Variants in NPAS3 observed in about 807,000 individuals in gnomAD.
NPAS3 encodes neuronal PAS domain protein 3.
A neutral mutation model predicts 73.1 loss-of-function variants in NPAS3; 14 were observed. That is an observed-to-expected ratio of 0.19 (90% CI 0.13 to 0.30). NPAS3 has a LOEUF of 0.30. Ranked by LOEUF, NPAS3 falls within the 10% of genes least tolerant of loss-of-function variation. The probability of loss-of-function intolerance (pLI) is 1.00; values close to 1 mark genes in which losing one functional copy is unlikely to be tolerated. For synonymous variants in NPAS3, 620 were observed against 541.5 expected (o/e 1.14, Z -2.01); for missense variants, 1,096 against 1,250.0 (o/e 0.88, Z 1.86).
chr14:33,279,852 A>G (rs1357979532), intron 3 of NPAS3, among the ~76,000 whole-genome samples: 1 of 152,212 alleles, frequency 6.6e-6, no homozygotes, highest in East Asian at 1.9e-4. Flanking sequence ...CAAAATTGCC[A>G]GTATTTAACT....
chr14:33,088,803 G>A (rs1300870944), intron 2 of NPAS3, among the ~76,000 whole-genome samples: 1 of 152,160 alleles, frequency 6.6e-6, no homozygotes, highest in Non-Finnish European at 1.5e-5. Context: ...ACCTCACATG[G>A]CCGGTTACCC....
chr14:33,347,252 G>T (rs899347505), intron 3 of NPAS3, among the ~76,000 whole-genome samples: 1 of 152,084 alleles, frequency 6.6e-6, no homozygotes, highest in Non-Finnish European at 1.5e-5. Context: ...ATTTCTAATG[G>T]GGTTATTTGT....
rs966413431 is a variant in NPAS3, at chr14:33,699,753, T to A, written c.733+23368T>A. 8.5e-5 allele frequency among the ~76,000 whole-genome samples: 13 copies of A among 152,212 alleles called. No individual in the cohort carries two copies. The South Asian group carries it at 1.0e-3, about 12-fold the overall frequency. On this transcript the variant is annotated intron_variant, in intron 6 of 11. Transcript: ENST00000356141. ...GTACCAAGTCAAAGACATTTTTTTTTAAATGTAGAAGACAGGGAAAATGCA... is the reference window on the plus strand; with the variant it reads ...GTACCAAGTCAAAGACATTTTTTTTAAAATGTAGAAGACAGGGAAAATGCA...
chr14:33,544,822 T>TATATATATATTATATATATATATATAA (rs2054745543), intron 4 of NPAS3, among the ~76,000 whole-genome samples: 1 of 60,922 alleles, frequency 1.6e-5, no homozygotes, highest in African/African-American at 1.0e-4. Flanking sequence ...GTATATATAA[T>TATATATATATTATATATATATATATAA]ATATATGTGT....
chr14:33,178,380 A>G (rs945234119), intron 2 of NPAS3, among the ~76,000 whole-genome samples: 8 of 152,032 alleles, frequency 5.3e-5, no homozygotes, highest in African/African-American at 9.7e-5. Context: ...GCCGAAGTGA[A>G]TCTTTACATT....
At chr14:33,190,026 T>C (rs2046113568) in intron 2 of NPAS3, among the ~76,000 whole-genome samples, 1 of 152,116 alleles carries the variant, frequency 6.6e-6, no homozygotes, top group African/African-American at 2.4e-5. Context: ...TTAATGTGTA[T>C]ATTCTTTTAC....
chr14:33,567,591 G>T (rs1281130329), intron 5 of NPAS3, among the ~76,000 whole-genome samples: 5 of 152,228 alleles, frequency 3.3e-5, no homozygotes, highest in African/African-American at 9.6e-5. Flanking sequence ...GATGTGCTCA[G>T]AGTTGAAAGG....
intron 3 of NPAS3, among the ~76,000 whole-genome samples, chr14:33,254,676 C>T (rs148225756): frequency 0.016 from 2,509 of 152,136 alleles, 29 homozygotes; most frequent in Middle Eastern, 0.048. Flanking sequence ...TTATGTAATA[C>T]AATAGCTATG....
chr14:33,469,736 A>C (rs1331433233), intron 4 of NPAS3, among the ~76,000 whole-genome samples: 1 of 152,012 alleles, frequency 6.6e-6, no homozygotes, highest in Non-Finnish European at 1.5e-5. Flanking sequence ...TCTTAATTTG[A>C]CTGTTTGGTA....
chr14:33,760,502 T>C (rs937769728), intron 7 of NPAS3, among the ~76,000 whole-genome samples: 1 of 152,262 alleles, frequency 6.6e-6, no homozygotes, highest in African/African-American at 2.4e-5. Flanking sequence ...TTCAAAAACA[T>C]TATTTGACCG....
At chr14:33,375,219 C>A (rs1345391855) in intron 4 of NPAS3, among the ~76,000 whole-genome samples, 1 of 152,000 alleles carries the variant, frequency 6.6e-6, no homozygotes, top group African/African-American at 2.4e-5. Flanking sequence ...TCTCTATGAT[C>A]CAGAATGGTA....
exon 12 of NPAS3, chr14:33,799,905 A>C: frequency 6.2e-7 from 1 of 1,614,210 alleles, no homozygotes; most frequent in Non-Finnish European, 8.5e-7. Context: ...GACAGCTTCG[A>C]GCACTCGGAC....
At chr14:33,424,564 A>G (rs2048479426) in intron 4 of NPAS3, among the ~76,000 whole-genome samples, 1 of 152,054 alleles carries the variant, frequency 6.6e-6, no homozygotes, top group Non-Finnish European at 1.5e-5. Flanking sequence ...AAGAATGAGG[A>G]GAAGGAATGA....
At chr14:33,486,234 A>G (rs1425406254) in intron 4 of NPAS3, among the ~76,000 whole-genome samples, 3 of 152,024 alleles carry the variant, frequency 2.0e-5, no homozygotes, top group Non-Finnish European at 2.9e-5. Flanking sequence ...TAGATAGTCT[A>G]ACGGCGGCCA....
intron 5 of NPAS3, among the ~76,000 whole-genome samples, chr14:33,641,793 TTC>T (rs1428430055): frequency 6.6e-5 from 10 of 152,112 alleles, no homozygotes; most frequent in African/African-American, 9.7e-5. Context: ...ATGCCTATAT[TTC>T]TGTTATAATT....
At chr14:32,981,195 A>G (rs1359728710) in intron 1 of NPAS3, among the ~76,000 whole-genome samples, 4 of 152,180 alleles carry the variant, frequency 2.6e-5, no homozygotes, top group Admixed American at 1.3e-4. Flanking sequence ...GGATGTCACT[A>G]TGGTTCAAAG....
chr14:33,508,334 A>C (rs10131324), intron 4 of NPAS3, among the ~76,000 whole-genome samples: 103,896 of 151,916 alleles, frequency 0.68, 35,849 homozygotes, highest in African/African-American at 0.77. Context: ...CAAATGCCTG[A>C]AGAGGTGAAG....
At chr14:33,086,389 A>G (rs552456055) in intron 2 of NPAS3, among the ~76,000 whole-genome samples, 29 of 152,106 alleles carry the variant, frequency 1.9e-4, no homozygotes, top group Non-Finnish European at 3.8e-4. Context: ...AAGTTTATTT[A>G]TATAAGATTA....
chr14:33,601,385 G>C (rs1359979672), intron 5 of NPAS3, among the ~76,000 whole-genome samples: 1 of 152,212 alleles, frequency 6.6e-6, no homozygotes, highest in Admixed American at 6.5e-5. Context: ...TTGATTCACT[G>C]TTCGTTTTCA....
Sources: gnomAD v4.1 joint callset for allele counts (sites outside exome capture counted in the v4.1 genomes callset) on GRCh38, gnomAD v4.1.1 for gene constraint, MANE v1.5 for transcripts, NCBI Gene and HGNC (gene_info 2026-07-23, HGNC 2026-07-21) for gene names.